Variants in CLRN3 observed in about 807,000 individuals in gnomAD.
CLRN3 encodes the protein clarin 3.
CLRN3 carries 12 observed loss-of-function variants against 16.7 expected under a neutral mutation model. The observed-to-expected ratio is 0.72, with a 90% CI of 0.46 to 1.16. The LOEUF (loss-of-function observed/expected upper bound fraction) is 1.16, where lower values mean the gene tolerates loss of function less well. CLRN3 is among the 50% of genes most tolerant of loss of function. CLRN3 has a pLI of 0.00. For missense variants in CLRN3, 296 were observed against 274.2 expected, an observed-to-expected ratio of 1.08 and a Z score of -0.56; for synonymous variants, 118 against 113.0, an observed-to-expected ratio of 1.04 and a Z score of -0.28.
At chr10:127,883,905 C>T (rs771724289) in intron 1 of CLRN3, 30 bp from the exon 2 acceptor site, 2 of 1,601,750 alleles carry the variant, frequency 1.2e-6, no homozygotes, top group East Asian at 4.5e-5. Context: ...GTGCATAGCA[C>T]ATAATGCAAA....
Position 127,889,598 on chromosome 10 carries a change from TG to T in CLRN3, c.229+2957del, listed in dbSNP as rs1484101210. ...GAGATGGCGCCACTGCACTCCAGTC[TG>T]GGTGTGAAGCAGCCTGGGTGATGAA... On this transcript the variant is annotated intron_variant, in intron 1 of 2. Coordinates refer to ENST00000368671, the MANE Select transcript of CLRN3 (RefSeq NM_152311.5). 2.6e-5 allele frequency among the ~76,000 whole-genome samples: 4 copies of T among 152,282 alleles called. No homozygotes were observed. The South Asian group carries it at 8.3e-4, about 32-fold the overall frequency.
Position 127,883,826 on chromosome 10 carries a change from A to G in CLRN3, c.279T>C (p.Thr93=). ...NSSQKTLHSV[T]ILFLVLSLIT... ...TCAAACTCAGGACCAGGAACAGGAT[A>G]GTCACCGAATGCAGAGTTTTTTGGG... is the stretch of plus-strand genomic sequence containing the variant. The change falls in exon 2 of 3, where the codon ACT becomes ACC. Residue 93 remains threonine, a synonymous_variant. Transcript: ENST00000368671. 6.2e-7 allele frequency: 1 copy of G among 1,614,246 alleles called. No individual in the cohort carries two copies. The highest frequency in any genetic ancestry group is 8.5e-7 in the Non-Finnish European group (1 of 1,180,034).
rs1278879473 is a variant in CLRN3, at chr10:127,892,541, T to C, written c.229+15A>G. On this transcript the variant is annotated intron_variant, in intron 1 of 2. Coordinates refer to ENST00000368671, the MANE Select transcript of CLRN3 (RefSeq NM_152311.5). ...TCAATCTCACTATATTCATTCAAAT[T>C]AGTTTATCATTTACCTGCAAACTTT... 7.8e-7 allele frequency: 1 copy of C among 1,276,564 alleles called. No individual in the cohort carries two copies. The highest frequency in any genetic ancestry group is 1.2e-5 in the South Asian group (1 of 84,292). The allele number at this position is 1,276,564 out of a possible 1,614,324, so 79.1% of individuals were successfully genotyped here. A position where few individuals can be genotyped will look rare whatever the true frequency, so the allele number is the denominator to read the frequency against.
At chr10:127,890,003 C>A (rs1354471032) in intron 1 of CLRN3, among the ~76,000 whole-genome samples, 1 of 152,216 alleles carries the variant, frequency 6.6e-6, no homozygotes, top group Non-Finnish European at 1.5e-5. Flanking sequence ...TTTCCCCCAA[C>A]CCCCTTGCTT....
At chr10:127,887,889 C>T (rs969529138) in intron 1 of CLRN3, among the ~76,000 whole-genome samples, 1 of 152,156 alleles carries the variant, frequency 6.6e-6, no homozygotes, top group Non-Finnish European at 1.5e-5. Context: ...CTAATTGCCC[C>T]AGGAGAGAGC....
chr10:127,888,313 T>C (rs1314946932), intron 1 of CLRN3, among the ~76,000 whole-genome samples: 1 of 152,104 alleles, frequency 6.6e-6, no homozygotes, highest in Non-Finnish European at 1.5e-5. Context: ...CCAGGGTTCC[T>C]TAGGGAGAAG....
In CLRN3 at chr10:127,878,460, C is replaced by T. The variant is rs369447497; in HGVS notation, c.410-40G>A. On this transcript the variant is annotated intron_variant, in intron 2 of 2. Coordinates refer to ENST00000368671, the MANE Select transcript of CLRN3 (RefSeq NM_152311.5). ...GAGTTTCATGCATGGCATGGTGATA[C>T]AGTTTTTAATGTCACTTATCTTTAT... The T allele has an allele frequency of 1.2e-4, 199 of 1,608,348 alleles. 1 individual carries two copies. The Admixed American group carries it at 3.0e-3, about 24-fold the overall frequency.
chr10:127,879,387 C>T (rs558679265), intron 2 of CLRN3, among the ~76,000 whole-genome samples: 24 of 152,244 alleles, frequency 1.6e-4, no homozygotes, highest in African/African-American at 4.8e-4. Context: ...GCTACTCTGC[C>T]GAGCCCTAAA....
chr10:127,889,334 A>G (rs963439668), intron 1 of CLRN3, among the ~76,000 whole-genome samples: 1 of 152,106 alleles, frequency 6.6e-6, no homozygotes, highest in Non-Finnish European at 1.5e-5. Context: ...AAAAGAAAAG[A>G]AAAATCTTGC....
At chr10:127,880,251 C>A (rs1385188342) in intron 2 of CLRN3, among the ~76,000 whole-genome samples, 3 of 152,074 alleles carry the variant, frequency 2.0e-5, no homozygotes, top group Non-Finnish European at 4.4e-5. Flanking sequence ...AGTCTAAATG[C>A]TTTTTTCCAG....
chr10:127,889,827 G>A (rs1845238985), intron 1 of CLRN3, among the ~76,000 whole-genome samples: 1 of 152,090 alleles, frequency 6.6e-6, no homozygotes, highest in Non-Finnish European at 1.5e-5. Flanking sequence ...TGCTTCCGGG[G>A]CCCTGACCAC....
intron 1 of CLRN3, among the ~76,000 whole-genome samples, chr10:127,886,402 C>T (rs771279115): frequency 1.3e-4 from 20 of 152,182 alleles, no homozygotes; most frequent in Non-Finnish European, 2.4e-4. Flanking sequence ...GCCTGAGAAA[C>T]AGCCTCAGGG....
intron 2 of CLRN3, 89 bp downstream of exon 2, chr10:127,883,607 G>T: frequency 1.1e-6 from 1 of 932,876 alleles, no homozygotes; most frequent in Non-Finnish European, 1.8e-6. Flanking sequence ...ACGTGACTGT[G>T]TATGTTCATG....
intron 1 of CLRN3, among the ~76,000 whole-genome samples, chr10:127,884,589 T>C (rs950199876): frequency 6.6e-6 from 1 of 152,220 alleles, no homozygotes. Flanking sequence ...CAAGGAGAAC[T>C]CTTCTGAATC....
In CLRN3 at chr10:127,878,016, C is replaced by CA; in HGVS notation, c.*132dup. 1 of 1,123,082 alleles carries CA rather than the reference C, an allele frequency of 8.9e-7. No individual in the cohort carries two copies. The highest frequency in any genetic ancestry group is 1.3e-6 in the Non-Finnish European group (1 of 793,896). The allele number at this position is 1,123,082 out of a possible 1,614,324, so 69.6% of individuals were successfully genotyped here. On this transcript the variant is annotated 3_prime_UTR_variant, in exon 3 of 3. Transcript: ENST00000368671. ...AGGAGTACAGCATCAATGAAGAACA[C>CA]AGTGTCATGAAACACAAATGCTGTC... is the stretch of plus-strand genomic sequence containing the variant.
At chr10:127,892,104 G>A (rs1845263781) in intron 1 of CLRN3, among the ~76,000 whole-genome samples, 1 of 152,142 alleles carries the variant, frequency 6.6e-6, no homozygotes, top group Admixed American at 6.5e-5. Context: ...ATTAAAATCA[G>A]TTAAAGAAAT....
intron 1 of CLRN3, among the ~76,000 whole-genome samples, chr10:127,888,233 AGATCTC>A (rs1202297636): frequency 5.9e-5 from 9 of 152,216 alleles, no homozygotes; most frequent in Non-Finnish European, 7.3e-5. Flanking sequence ...TTCTATCAAC[AGATCTC>A]CAAGTGTGGC....
intron 1 of CLRN3, among the ~76,000 whole-genome samples, chr10:127,885,482 C>T (rs1012880841): frequency 1.9e-4 from 29 of 152,308 alleles, no homozygotes; most frequent in Non-Finnish European, 1.0e-4. Context: ...TAACAGCCCA[C>T]ATTTCTGGAG....
At chr10:127,883,189 G>A (rs574841373) in intron 2 of CLRN3, among the ~76,000 whole-genome samples, 1 of 152,212 alleles carries the variant, frequency 6.6e-6, no homozygotes, top group Non-Finnish European at 1.5e-5. Context: ...GCACGACCAT[G>A]CAGAGATGTC....
Sources: gnomAD v4.1 joint callset for allele counts (sites outside exome capture counted in the v4.1 genomes callset) on GRCh38, gnomAD v4.1.1 for gene constraint, MANE v1.5 for transcripts, NCBI Gene and HGNC (gene_info 2026-07-23, HGNC 2026-07-21) for gene names.